YWHAE: variants seen among roughly 807,000 people sequenced by gnomAD.
YWHAE encodes the protein tyrosine 3-monooxygenase/tryptophan 5-monooxygenase activation protein epsilon, also known as 14-3-3 protein epsilon.
In YWHAE, 4 loss-of-function variants were observed where a neutral mutation model predicts 30.1. That is an observed-to-expected ratio of 0.13 (90% CI 0.07 to 0.30). The LOEUF (loss-of-function observed/expected upper bound fraction) is 0.30, where lower values mean the gene tolerates loss of function less well. Ranked by LOEUF, YWHAE falls within the 10% of genes least tolerant of loss-of-function variation. The probability of loss-of-function intolerance (pLI) is 1.00; values close to 1 mark genes in which losing one functional copy is unlikely to be tolerated. For missense variants in YWHAE, 121 were observed against 315.9 expected, an observed-to-expected ratio of 0.38 and a Z score of 4.68; for synonymous variants, 118 against 111.8, an observed-to-expected ratio of 1.06 and a Z score of -0.35.
chr17:1,375,710 G>A (rs527647578), intron 1 of YWHAE, among the ~76,000 whole-genome samples: 1 of 152,108 alleles, frequency 6.6e-6, no homozygotes, highest in South Asian at 2.1e-4. Flanking sequence ...TCATTGTATG[G>A]TAATAGCCTA....
intron 2 of YWHAE, among the ~76,000 whole-genome samples, chr17:1,362,921 T>A (rs1376653961): frequency 6.6e-6 from 1 of 152,156 alleles, no homozygotes; most frequent in Non-Finnish European, 1.5e-5. Context: ...GCTCTATTAC[T>A]CCAAACTCTT....
chr17:1,393,538 T>C (rs907728472), intron 1 of YWHAE, among the ~76,000 whole-genome samples: 4 of 152,102 alleles, frequency 2.6e-5, no homozygotes, highest in Non-Finnish European at 5.9e-5. Context: ...TCAAGCGATT[T>C]CCCACCTCAG....
chr17:1,370,379 C>T (rs2073018547), intron 1 of YWHAE, among the ~76,000 whole-genome samples: 1 of 151,850 alleles, frequency 6.6e-6, no homozygotes, highest in Non-Finnish European at 1.5e-5. Flanking sequence ...GATCCGCCCG[C>T]CTTGGCCTCC....
intron 2 of YWHAE, 91 bp from the exon 3 acceptor site, chr17:1,362,099 C>T: frequency 1.4e-6 from 1 of 740,554 alleles, no homozygotes; most frequent in Non-Finnish European, 2.1e-6. Context: ...AGGTAGAGAG[C>T]TTAGTATTAA....
At position 1,344,687 on chromosome 17, in the gene YWHAE, A is replaced by T. The variant is rs1398637838; in HGVS notation, c.*760T>A. 8.7e-6 allele frequency: 2 copies of T among 229,424 alleles called. No individual in the cohort carries two copies. The highest frequency in any genetic ancestry group is 1.7e-5 in the Non-Finnish European group (2 of 115,492). The allele number at this position is 229,424 out of a possible 1,614,324, so 14.2% of individuals were successfully genotyped here. On this transcript the variant is annotated 3_prime_UTR_variant, in exon 6 of 6. Coordinates refer to ENST00000264335, the MANE Select transcript of YWHAE (RefSeq NM_006761.5). ...GCTTCAAGTTACACATACTGAACAA[A>T]AGAGGTTGAGCGAGCGAAGGAGGGG... is the stretch of plus-strand genomic sequence containing the variant.
At position 1,400,081 on chromosome 17, in the gene YWHAE, C is replaced by G; in HGVS notation, c.30G>C (p.Gln10His). Residue 10 changes from glutamine (Q) to histidine (H), a missense_variant, in exon 1 of 6, where the codon CAG becomes CAC. This residue lies in a region of YWHAE where 99 missense variants were observed against 289.3 expected (regional missense o/e 0.34). Transcript: ENST00000264335. The stretch of plus-strand genomic sequence containing the variant: ...GCTCAGCCTGCTCGGCCAGCTTCGC[C>G]TGGTACACCAGATCCTCTCGATCAT... MDDREDLVYQAKLAEQAERY... is the reference protein window; with the variant it reads MDDREDLVYHAKLAEQAERY... 6.2e-7 allele frequency: 1 copy of G among 1,614,122 alleles called. No individual in the cohort carries two copies.
intron 4 of YWHAE, among the ~76,000 whole-genome samples, chr17:1,356,662 G>T (rs1340811105): frequency 1.3e-5 from 2 of 152,068 alleles, no homozygotes; most frequent in East Asian, 3.9e-4. Flanking sequence ...TAGCCATTTA[G>T]AATGTTTTTA....
chr17:1,370,372 C>A (rs1016145049), intron 1 of YWHAE, among the ~76,000 whole-genome samples: 1 of 151,812 alleles, frequency 6.6e-6, no homozygotes, highest in African/African-American at 2.4e-5. Context: ...ACCTTGTGAT[C>A]CGCCCGCCTT....
chr17:1,376,798 T>A (rs1387439938), intron 1 of YWHAE, among the ~76,000 whole-genome samples: 8 of 152,110 alleles, frequency 5.3e-5, no homozygotes, highest in Non-Finnish European at 8.8e-5. Flanking sequence ...AATTTACAGC[T>A]CCTAATGAAA....
intron 4 of YWHAE, among the ~76,000 whole-genome samples, chr17:1,357,161 T>A (rs1167416186): frequency 6.6e-6 from 1 of 150,718 alleles, no homozygotes; most frequent in African/African-American, 2.4e-5. Flanking sequence ...CCCAGCACTT[T>A]GGGAGGCCGA....
chr17:1,393,493 C>T (rs977860636), intron 1 of YWHAE, among the ~76,000 whole-genome samples: 3 of 152,086 alleles, frequency 2.0e-5, no homozygotes, highest in African/African-American at 7.2e-5. Context: ...TGCAATGGTG[C>T]GATGTGGGCT....
At position 1,375,545 on chromosome 17, in the gene YWHAE, T is replaced by C. The variant is rs748743063; in HGVS notation, c.65-10487A>G. Among the ~76,000 whole-genome samples, 5 of 152,306 alleles carry C rather than the reference T, an allele frequency of 3.3e-5. No homozygotes were observed. The East Asian group carries it at 5.8e-4, about 18-fold the overall frequency. On this transcript the variant is annotated intron_variant, in intron 1 of 5. Coordinates refer to ENST00000264335, the MANE Select transcript of YWHAE (RefSeq NM_006761.5). ...ACTTCTTTTGGATCCACGGGCAGTT[T>C]TGCTACAGTAATTTTGAGTAACAAA... is the stretch of plus-strand genomic sequence containing the variant.
intron 1 of YWHAE, among the ~76,000 whole-genome samples, chr17:1,395,486 G>A (rs1285210520): frequency 2.6e-5 from 4 of 152,220 alleles, no homozygotes; most frequent in South Asian, 4.1e-4. Flanking sequence ...CCAAGACCAC[G>A]CCATTGCACT....
At chr17:1,355,311 C>T (rs1273994408) in intron 4 of YWHAE, among the ~76,000 whole-genome samples, 4 of 150,858 alleles carry the variant, frequency 2.7e-5, no homozygotes, top group Non-Finnish European at 5.9e-5. Flanking sequence ...CGCCCGCCAC[C>T]ACACCCGGCT....
chr17:1,370,412 T>G lies in YWHAE; in HGVS notation c.65-5354A>C, dbSNP rs565472010. 1.2e-4 allele frequency among the ~76,000 whole-genome samples: 18 copies of G among 151,960 alleles called. No homozygotes were observed. In the South Asian group the frequency reaches 3.3e-3, roughly 28 times the overall value. On this transcript the variant is annotated intron_variant, in intron 1 of 5. Coordinates refer to ENST00000264335, the MANE Select transcript of YWHAE (RefSeq NM_006761.5). ...TCCCAAAGTGCTGGGATTACAGGCG[T>G]GAGCCACCGCGACTGGCCAGAACAA...
chr17:1,359,309 GAA>G (rs1374659776), intron 4 of YWHAE, among the ~76,000 whole-genome samples: 1 of 151,844 alleles, frequency 6.6e-6, no homozygotes, highest in African/African-American at 2.4e-5. Context: ...ATCCTGTCCG[GAA>G]AAAAAAGTTA....
At chr17:1,345,632 C>T in intron 5 of YWHAE, 133 bp from the exon 6 acceptor site, 1 of 865,394 alleles carries the variant, frequency 1.2e-6, no homozygotes, top group East Asian at 2.5e-5. Flanking sequence ...AGGCAAAGGA[C>T]TTCTATCATC....
intron 1 of YWHAE, among the ~76,000 whole-genome samples, chr17:1,386,743 A>G (rs1235907257): frequency 2.0e-5 from 3 of 152,154 alleles, no homozygotes; most frequent in African/African-American, 7.2e-5. Context: ...TGAGGCCAGA[A>G]GTTTGAGACC....
chr17:1,351,471 G>T (rs1437937629), intron 5 of YWHAE, among the ~76,000 whole-genome samples: 1 of 151,990 alleles, frequency 6.6e-6, no homozygotes, highest in Non-Finnish European at 1.5e-5. Context: ...CATGTCCCCA[G>T]AGGTGAGAGG....
Sources: allele counts gnomAD v4.1 joint callset (sites outside exome capture counted in the v4.1 genomes callset), GRCh38; gene constraint gnomAD v4.1.1; regional missense constraint gnomAD v4.1.1; transcripts MANE v1.5; gene names NCBI Gene and HGNC (gene_info 2026-07-23, HGNC 2026-07-21).